Variants in NRG1 observed in about 807,000 individuals in gnomAD.
NRG1 encodes the protein neuregulin 1.
NRG1 carries 18 observed loss-of-function variants against 63.8 expected under a neutral mutation model. The ratio of observed to expected loss-of-function variants is 0.28; its 90% CI spans 0.19 to 0.42. The LOEUF (loss-of-function observed/expected upper bound fraction) is 0.42, where lower values mean the gene tolerates loss of function less well. Ranked by LOEUF, NRG1 falls within the 10% of genes least tolerant of loss-of-function variation. The probability of loss-of-function intolerance (pLI) is 1.00; values close to 1 mark genes in which losing one functional copy is unlikely to be tolerated. For synonymous variants in NRG1, 302 were observed against 301.3 expected, an observed-to-expected ratio of 1.00 and a Z score of -0.02; for missense variants, 762 against 814.7, an observed-to-expected ratio of 0.94 and a Z score of 0.79.
At chr8:32,039,179 A>G (rs1208703627) in intron 1 of NRG1, among the ~76,000 whole-genome samples, 3 of 152,320 alleles carry the variant, frequency 2.0e-5, no homozygotes, top group East Asian at 1.9e-4. Context: ...TGTGTTAATA[A>G]TAATCCACAG....
At chr8:32,182,943 A>G (rs1841583585) in intron 1 of NRG1, among the ~76,000 whole-genome samples, 1 of 152,236 alleles carries the variant, frequency 6.6e-6, no homozygotes, top group Admixed American at 6.5e-5. Flanking sequence ...ATTTCTATCA[A>G]GGAAATGGGG....
chr8:32,584,065 G>T (rs1468184002), intron 1 of NRG1, among the ~76,000 whole-genome samples: 1 of 145,580 alleles, frequency 6.9e-6, no homozygotes, highest in Admixed American at 6.8e-5. Flanking sequence ...AGACTATTTG[G>T]ACTCTTTCTT....
chr8:31,814,332 G>T (rs181014435), intron 1 of NRG1, among the ~76,000 whole-genome samples: 1 of 152,144 alleles, frequency 6.6e-6, no homozygotes, highest in African/African-American at 2.4e-5. Context: ...CTCCAGCCCC[G>T]GTTCCTTTTC....
chr8:32,681,404 A>C (rs956969329), intron 5 of NRG1, among the ~76,000 whole-genome samples: 1 of 152,112 alleles, frequency 6.6e-6, no homozygotes, highest in Non-Finnish European at 1.5e-5. Flanking sequence ...CAGAGGCAGA[A>C]ATTCATTATT....
At chr8:31,831,440 ATT>A (rs1459822882) in intron 1 of NRG1, among the ~76,000 whole-genome samples, 2 of 152,120 alleles carry the variant, frequency 1.3e-5, no homozygotes, top group Non-Finnish European at 2.9e-5. Flanking sequence ...TTTTTTGGAA[ATT>A]ACAGGGCATA....
rs572798847 is a variant in NRG1 at position 32,031,122 on chromosome 8, G to T, written c.37+391691G>T. 4.6e-5 allele frequency among the ~76,000 whole-genome samples: 7 copies of T among 152,258 alleles called. No homozygotes were observed. The South Asian group carries it at 1.2e-3, about 27-fold the overall frequency. ...CTTTGGGGAGGTGGTGCCGTGGTCT[G>T]TTTGGGGTTAGGCCATCAGCACAGG... On this transcript the variant is annotated intron_variant, in intron 1 of 10. Transcript: ENST00000519301.
intron 1 of NRG1, among the ~76,000 whole-genome samples, chr8:31,913,082 T>C (rs1209711382): frequency 6.6e-6 from 1 of 152,198 alleles, no homozygotes; most frequent in Non-Finnish European, 1.5e-5. Flanking sequence ...ACTCCTCTTT[T>C]GCTAATTGGG....
intron 1 of NRG1, among the ~76,000 whole-genome samples, chr8:32,143,308 G>A (rs1394271171): frequency 6.6e-6 from 1 of 151,900 alleles, no homozygotes; most frequent in Non-Finnish European, 1.5e-5. Flanking sequence ...ATATAATATA[G>A]AATGTATGAA....
intron 1 of NRG1, among the ~76,000 whole-genome samples, chr8:31,745,058 G>A (rs929213606): frequency 6.6e-6 from 1 of 151,954 alleles, no homozygotes; most frequent in Non-Finnish European, 1.5e-5. Flanking sequence ...ATAATGAATT[G>A]CAGAGTTAAT....
At chr8:32,298,279 C>A (rs1157414395) in intron 1 of NRG1, among the ~76,000 whole-genome samples, 1 of 152,190 alleles carries the variant, frequency 6.6e-6, no homozygotes, top group Non-Finnish European at 1.5e-5. Context: ...TCCTTTTCAA[C>A]TTAAAGTTGA....
At chr8:31,775,404 C>A (rs1316974261) in intron 1 of NRG1, among the ~76,000 whole-genome samples, 1 of 152,002 alleles carries the variant, frequency 6.6e-6, no homozygotes, top group African/African-American at 2.4e-5. Flanking sequence ...TGTACATAGA[C>A]AAGATGGAAA....
At chr8:32,365,861 T>C (rs1807905383) in intron 1 of NRG1, among the ~76,000 whole-genome samples, 1 of 152,238 alleles carries the variant, frequency 6.6e-6, no homozygotes, top group Non-Finnish European at 1.5e-5. Flanking sequence ...TAAATAATTT[T>C]CCCCATTGAT....
intron 1 of NRG1, among the ~76,000 whole-genome samples, chr8:31,811,494 G>T (rs1339222897): frequency 6.6e-6 from 1 of 152,076 alleles, no homozygotes; most frequent in African/African-American, 2.4e-5. Flanking sequence ...GTGTCAATAA[G>T]ATTTGGCGTA....
intron 1 of NRG1, among the ~76,000 whole-genome samples, chr8:32,479,344 G>A (rs1441194197): frequency 6.6e-6 from 1 of 152,060 alleles, no homozygotes; most frequent in Non-Finnish European, 1.5e-5. Flanking sequence ...AAGCTTGGTG[G>A]TAGGTGCCTG....
At chr8:32,230,533 G>A (rs914190774) in intron 1 of NRG1, among the ~76,000 whole-genome samples, 9 of 152,172 alleles carry the variant, frequency 5.9e-5, no homozygotes, top group Non-Finnish European at 1.0e-4. Context: ...TGAGGAAAGT[G>A]GAAAGTGACT....
intron 1 of NRG1, among the ~76,000 whole-genome samples, chr8:31,795,476 A>T (rs996568317): frequency 6.6e-6 from 1 of 152,152 alleles, no homozygotes. Flanking sequence ...TTTAGAGAGC[A>T]TGTCTTCCGG....
chr8:31,970,694 G>T (rs1402140954), intron 1 of NRG1, among the ~76,000 whole-genome samples: 2 of 152,056 alleles, frequency 1.3e-5, no homozygotes, highest in African/African-American at 4.8e-5. Flanking sequence ...CTACTGTCCT[G>T]CTCTGCCCTG....
chr8:31,668,873 A>T (rs1168636234), intron 1 of NRG1, among the ~76,000 whole-genome samples: 1 of 152,168 alleles, frequency 6.6e-6, no homozygotes, highest in Non-Finnish European at 1.5e-5. Context: ...GCTACTACAG[A>T]TTGGGTATCT....
At chr8:32,105,100 G>A (rs547782569) in intron 1 of NRG1, among the ~76,000 whole-genome samples, 17 of 152,092 alleles carry the variant, frequency 1.1e-4, no homozygotes, top group Middle Eastern at 3.4e-3. Flanking sequence ...TAGCATCACC[G>A]CAGACACATG....
Sources: gnomAD v4.1 joint callset for allele counts (sites outside exome capture counted in the v4.1 genomes callset) on GRCh38, gnomAD v4.1.1 for gene constraint, MANE v1.5 for transcripts, NCBI Gene and HGNC (gene_info 2026-07-23, HGNC 2026-07-21) for gene names.